The following CEP128 variants were observed in gnomAD, a reference collection of about 807,000 sequenced individuals.
CEP128 encodes the protein centrosomal protein 128.
Under a neutral mutation model 156.7 loss-of-function variants are expected in CEP128, and 132 were observed. That is an observed-to-expected ratio of 0.84 (90% CI 0.73 to 0.97). The LOEUF (loss-of-function observed/expected upper bound fraction) is 0.97, where lower values mean the gene tolerates loss of function less well. Ranked by LOEUF, CEP128 falls within the 50% of genes least tolerant of loss-of-function variation. The probability of loss-of-function intolerance (pLI) is 0.00; values close to 1 mark genes in which losing one functional copy is unlikely to be tolerated. For missense variants in CEP128, 1,252 were observed against 1,281.9 expected (o/e 0.98, Z 0.36); for synonymous variants, 469 against 448.9 (o/e 1.04, Z -0.57).
At chr14:80,879,132 A>G (rs1161368790) in intron 8 of CEP128, among the ~76,000 whole-genome samples, 3 of 152,134 alleles carry the variant, frequency 2.0e-5, no homozygotes, top group Admixed American at 2.0e-4. Context: ...CTGCACTAAC[A>G]AAGAAGCAGA....
upstream of CEP128, among the ~76,000 whole-genome samples, chr14:80,944,803 C>CA (rs1174630956): frequency 8.6e-5 from 9 of 104,982 alleles, no homozygotes; most frequent in African/African-American, 3.2e-4. Flanking sequence ...GCCTGGGCGA[C>CA]AGAGTCAAGA....
intron 8 of CEP128, among the ~76,000 whole-genome samples, chr14:80,877,889 T>C (rs1460347505): frequency 6.7e-6 from 1 of 150,252 alleles, no homozygotes; most frequent in Non-Finnish European, 1.5e-5. Context: ...CCACCGCAGG[T>C]ACCTCAGGCC....
At chr14:80,885,982 T>C (rs1163973670) in intron 8 of CEP128, among the ~76,000 whole-genome samples, 3 of 151,874 alleles carry the variant, frequency 2.0e-5, no homozygotes, top group African/African-American at 7.3e-5. Flanking sequence ...TCGCGAAGCA[T>C]AGACAACTAT....
downstream of CEP128, among the ~76,000 whole-genome samples, chr14:80,496,256 C>A (rs1311777172): frequency 1.3e-5 from 2 of 152,112 alleles, no homozygotes; most frequent in African/African-American, 4.8e-5. Flanking sequence ...GATAAAAATG[C>A]ATAGCTATAC....
Position 80,834,559 on chromosome 14 carries a change from G to A in CEP128, c.1057+1646C>T, listed in dbSNP as rs538924351. Among the ~76,000 whole-genome samples the A allele has an allele frequency of 4.6e-5, 7 of 152,126 alleles. No homozygotes were observed. The East Asian group carries it at 5.8e-4, about 13-fold the overall frequency. On this transcript the variant is annotated intron_variant, in intron 12 of 24. Transcript: ENST00000555265. Reference sequence around the variant, plus strand: ...ATGAAAAACTCTACAATTGTTAAACGGTGAAGAAGTCCATTATCACATATA... The same window carrying A: ...ATGAAAAACTCTACAATTGTTAAACAGTGAAGAAGTCCATTATCACATATA...
At chr14:80,877,425 T>C (rs1055987356) in intron 8 of CEP128, among the ~76,000 whole-genome samples, 4 of 152,128 alleles carry the variant, frequency 2.6e-5, no homozygotes, top group Non-Finnish European at 4.4e-5. Context: ...ATGAAAGATA[T>C]CAAATTCAAG....
intron 20 of CEP128, among the ~76,000 whole-genome samples, chr14:80,579,855 T>C (rs1891513773): frequency 6.6e-6 from 1 of 152,166 alleles, no homozygotes. Context: ...ATCACAGAAA[T>C]ATCAACTAAA....
chr14:80,906,332 G>A (rs889472159), intron 4 of CEP128, among the ~76,000 whole-genome samples: 7 of 152,178 alleles, frequency 4.6e-5, no homozygotes, highest in African/African-American at 1.7e-4. Context: ...GCCAGATGTG[G>A]AAGAGATGTC....
rs183455174 is a variant in CEP128, at chr14:80,711,863, A to T, written c.2806+31212T>A. Among the ~76,000 whole-genome samples the T allele has an allele frequency of 2.8e-3, 424 of 152,198 alleles. 1 individual carries two copies. The highest frequency in any genetic ancestry group is 0.021 in the Middle Eastern group (6 of 292). On this transcript the variant is annotated intron_variant, in intron 19 of 24. Coordinates refer to ENST00000555265, the MANE Select transcript of CEP128 (RefSeq NM_152446.5). The stretch of plus-strand genomic sequence containing the variant: ...CTACTATGTACCTAAAAATTTTTTT[A>T]AATTAAAAAGAATGTAAAAAATAAA...
chr14:80,817,106 A>T (rs1276325676), intron 13 of CEP128, among the ~76,000 whole-genome samples: 1 of 152,150 alleles, frequency 6.6e-6, no homozygotes, highest in Non-Finnish European at 1.5e-5. Context: ...TTAAAGCTAT[A>T]GTTATCCCAG....
At chr14:80,678,255 C>A (rs1318040710) in intron 19 of CEP128, among the ~76,000 whole-genome samples, 2 of 151,336 alleles carry the variant, frequency 1.3e-5, no homozygotes, top group Non-Finnish European at 2.9e-5. Flanking sequence ...TGGGGATAGT[C>A]CAAATCTCAC....
At chr14:80,848,024 G>C (rs916387085) in intron 9 of CEP128, among the ~76,000 whole-genome samples, 2 of 152,128 alleles carry the variant, frequency 1.3e-5, no homozygotes, top group Admixed American at 6.5e-5. Flanking sequence ...CCTGGTACTG[G>C]GGATGCAGCA....
chr14:80,636,268 T>C (rs962698509), intron 19 of CEP128, among the ~76,000 whole-genome samples: 105 of 152,302 alleles, frequency 6.9e-4, no homozygotes, highest in East Asian at 7.7e-4. Flanking sequence ...GTAAAACTTA[T>C]AAATAAGTGA....
At chr14:80,641,537 C>T (rs1894407431) in intron 19 of CEP128, among the ~76,000 whole-genome samples, 2 of 152,268 alleles carry the variant, frequency 1.3e-5, no homozygotes, top group Admixed American at 6.5e-5. Context: ...TTCCTAGAAT[C>T]GGATACAGTG....
upstream of CEP128, among the ~76,000 whole-genome samples, chr14:80,943,887 G>C (rs10133019): frequency 6.6e-6 from 1 of 151,740 alleles, no homozygotes; most frequent in Admixed American, 6.6e-5. Context: ...CCAGCTATTC[G>C]GCAGGCTGAA....
intron 2 of CEP128, among the ~76,000 whole-genome samples, chr14:80,925,925 T>C (rs1594854173): frequency 1.3e-5 from 2 of 152,144 alleles, no homozygotes; most frequent in Admixed American, 1.3e-4. Context: ...TGCTACTTAG[T>C]GAGCAGTGAG....
At chr14:80,673,434 G>A (rs1054371877) in intron 19 of CEP128, among the ~76,000 whole-genome samples, 18 of 151,048 alleles carry the variant, frequency 1.2e-4, no homozygotes, top group African/African-American at 3.6e-4. Flanking sequence ...ACGAGGTCAG[G>A]AGATCGAGAC....
At chr14:80,900,131 C>T (rs899244553) in intron 6 of CEP128, 102 bp from the exon 7 acceptor site, 1 of 687,066 alleles carries the variant, frequency 1.5e-6, no homozygotes, top group Non-Finnish European at 2.4e-6. Context: ...GCAATAATAA[C>T]CAGATTCCGT....
chr14:80,923,268 C>G (rs1884974524), intron 2 of CEP128, among the ~76,000 whole-genome samples: 1 of 152,196 alleles, frequency 6.6e-6, no homozygotes, highest in African/African-American at 2.4e-5. Flanking sequence ...ATCTATCCAT[C>G]TGAAACAAAT....
Sources: gnomAD v4.1 joint callset for allele counts (sites outside exome capture counted in the v4.1 genomes callset) on GRCh38, gnomAD v4.1.1 for gene constraint, MANE v1.5 for transcripts, NCBI Gene and HGNC (gene_info 2026-07-23, HGNC 2026-07-21) for gene names.